ARHGAP28: variants seen among roughly 807,000 people sequenced by gnomAD.
ARHGAP28 encodes rho GTPase-activating protein 28.
A neutral mutation model predicts 90.7 loss-of-function variants in ARHGAP28; 56 were observed. The observed-to-expected ratio is 0.62, with a 90% CI of 0.50 to 0.77. The LOEUF is 0.77. Among genes scored for constraint, ARHGAP28 ranks in the 30% least tolerant of loss-of-function variants. The pLI is 0.00. For synonymous variants in ARHGAP28, 308 were observed against 323.3 expected (o/e 0.95, Z 0.51); for missense variants, 869 against 900.9 (o/e 0.96, Z 0.45).
intron 1 of ARHGAP28, among the ~76,000 whole-genome samples, chr18:6,755,886 T>C (rs2143290088): frequency 6.6e-6 from 1 of 152,356 alleles, no homozygotes; most frequent in East Asian, 1.9e-4. Flanking sequence ...TTTTGGTTCA[T>C]ATATAGAATC....
In ARHGAP28 at chr18:6,859,863, A is replaced by G. The variant is rs1343909041; in HGVS notation, c.692A>G (p.Glu231Gly). The change falls in exon 5 of 18, where the codon GAA (glutamate) becomes GGA (glycine). Residue 231 changes from glutamate (E) to glycine (G), a missense_variant. By Grantham distance (98) the Glu-to-Gly change is moderately conservative. Transcript: ENST00000383472. ...TTLSDASQDK[E>G]GSFAVPRSDS... is the part of the protein sequence containing the mutation. The stretch of plus-strand genomic sequence containing the variant: ...CTGTCTGACGCATCCCAGGATAAAG[A>G]AGGGAGTTTTGCGGTTCCCAGGAGT... 6.2e-7 allele frequency: 1 copy of G among 1,614,118 alleles called. No homozygotes were observed. The highest frequency in any genetic ancestry group is 1.3e-5 in the African/African-American group (1 of 74,940).
intron 3 of ARHGAP28, among the ~76,000 whole-genome samples, chr18:6,849,010 G>C (rs1166028061): frequency 6.6e-6 from 1 of 151,798 alleles, no homozygotes; most frequent in Non-Finnish European, 1.5e-5. Context: ...AGCACTTTTG[G>C]AGGCCAAGGC....
chr18:6,762,285 G>T (rs2056166705), intron 1 of ARHGAP28, among the ~76,000 whole-genome samples: 1 of 152,112 alleles, frequency 6.6e-6, no homozygotes, highest in Non-Finnish European at 1.5e-5. Flanking sequence ...CACCCTACTT[G>T]AAATTCTATA....
chr18:6,787,710 G>A (rs953974844), intron 1 of ARHGAP28, among the ~76,000 whole-genome samples: 53 of 152,102 alleles, frequency 3.5e-4, no homozygotes, highest in Admixed American at 3.4e-3. Flanking sequence ...GGTGTTTTTT[G>A]TTTCACTTTT....
intron 1 of ARHGAP28, among the ~76,000 whole-genome samples, chr18:6,747,757 CAT>C (rs2056035546): frequency 6.6e-6 from 1 of 152,182 alleles, no homozygotes; most frequent in Admixed American, 6.5e-5. Context: ...TAATCATAAA[CAT>C]ATGCTGGAAT....
chr18:6,758,243 C>T (rs966194835), intron 1 of ARHGAP28, among the ~76,000 whole-genome samples: 11 of 152,012 alleles, frequency 7.2e-5, no homozygotes, highest in Non-Finnish European at 1.6e-4. Context: ...GGTGAGGGGC[C>T]GGGGAACTTG....
At chr18:6,792,795 C>T (rs1035527524) in intron 1 of ARHGAP28, among the ~76,000 whole-genome samples, 6 of 152,326 alleles carry the variant, frequency 3.9e-5, no homozygotes, top group Admixed American at 2.6e-4. Flanking sequence ...TAAATTGCTC[C>T]AATCCCTTTT....
At chr18:6,832,097 T>G (rs912384873) in intron 2 of ARHGAP28, among the ~76,000 whole-genome samples, 3 of 152,072 alleles carry the variant, frequency 2.0e-5, no homozygotes, top group African/African-American at 4.8e-5. Context: ...TTTTTGAATA[T>G]GTACAGTTCT....
intron 1 of ARHGAP28, among the ~76,000 whole-genome samples, chr18:6,807,748 C>T (rs1425490812): frequency 6.6e-6 from 1 of 152,150 alleles, no homozygotes; most frequent in Non-Finnish European, 1.5e-5. Context: ...GAAGGCTTGA[C>T]GGGGCTCCTC....
chr18:6,837,120 C>A, intron 2 of ARHGAP28, 77 bp from the exon 3 acceptor site: 1 of 1,063,466 alleles, frequency 9.4e-7, no homozygotes, highest in Non-Finnish European at 1.4e-6. Context: ...TTTACCAATA[C>A]TTCTTGTCTG....
chr18:6,786,683 A>G (rs1279523752), intron 1 of ARHGAP28, among the ~76,000 whole-genome samples: 1 of 152,192 alleles, frequency 6.6e-6, no homozygotes, highest in Admixed American at 6.5e-5. Flanking sequence ...TGATGAAAAG[A>G]TCAAAACAAA....
chr18:6,854,556 A>G (rs2056937062), intron 4 of ARHGAP28, among the ~76,000 whole-genome samples: 1 of 152,146 alleles, frequency 6.6e-6, no homozygotes, highest in South Asian at 2.1e-4. Flanking sequence ...CTTTGCTTCA[A>G]TTGAATAGCT....
chr18:6,778,555 C>A (rs1269454434), intron 1 of ARHGAP28, among the ~76,000 whole-genome samples: 2 of 152,308 alleles, frequency 1.3e-5, no homozygotes, highest in Admixed American at 1.3e-4. Context: ...CTAGCTCTTC[C>A]TCTTAATCAG....
At chr18:6,754,703 A>T (rs971800648) in intron 1 of ARHGAP28, 16 of 152,194 alleles carry the variant, frequency 1.1e-4, no homozygotes, top group African/African-American at 3.4e-4. Flanking sequence ...TTTCCCAAGG[A>T]TCTTCATAAG....
intron 1 of ARHGAP28, among the ~76,000 whole-genome samples, chr18:6,817,103 C>G (rs2056596281): frequency 6.7e-6 from 1 of 150,102 alleles, no homozygotes; most frequent in Non-Finnish European, 1.5e-5. Flanking sequence ...AAAAAAAAGT[C>G]AGGAGTTCAA....
At chr18:6,743,881 C>G (rs146086075) in intron 1 of ARHGAP28, among the ~76,000 whole-genome samples, 1 of 152,086 alleles carries the variant, frequency 6.6e-6, no homozygotes, top group African/African-American at 2.4e-5. Context: ...AATAGCTGGT[C>G]CTTAAGTGAG....
intron 1 of ARHGAP28, among the ~76,000 whole-genome samples, chr18:6,769,869 A>G (rs1021853949): frequency 5.3e-5 from 8 of 152,248 alleles, no homozygotes; most frequent in Non-Finnish European, 1.2e-4. Context: ...TGGAAAGAGA[A>G]AAGGGGGAGG....
chr18:6,803,944 A>G (rs961374298), intron 1 of ARHGAP28, among the ~76,000 whole-genome samples: 4 of 151,840 alleles, frequency 2.6e-5, no homozygotes, highest in African/African-American at 9.7e-5. Context: ...ACGCCCAGCT[A>G]ATTTTTTTGT....
intron 1 of ARHGAP28, among the ~76,000 whole-genome samples, chr18:6,796,049 A>C (rs2056439321): frequency 6.6e-6 from 1 of 152,228 alleles, no homozygotes; most frequent in Non-Finnish European, 1.5e-5. Context: ...GGATGAATGA[A>C]TGTGCCTAAC....
Sources: gnomAD v4.1 joint callset for allele counts (sites outside exome capture counted in the v4.1 genomes callset) on GRCh38, gnomAD v4.1.1 for gene constraint, MANE v1.5 for transcripts, NCBI Gene and HGNC (gene_info 2026-07-23, HGNC 2026-07-21) for gene names.